The following ANKMY1 variants were observed in gnomAD, a reference collection of about 807,000 sequenced individuals.
ANKMY1 encodes ankyrin repeat and MYND domain containing 1.
ANKMY1 carries 98 observed loss-of-function variants against 102.0 expected under a neutral mutation model. The observed-to-expected ratio is 0.96, with a 90% CI of 0.82 to 1.14. The LOEUF (loss-of-function observed/expected upper bound fraction) is 1.14, where lower values mean the gene tolerates loss of function less well. ANKMY1 is among the 50% of genes most tolerant of loss of function. ANKMY1 has a pLI of 0.00. For missense variants in ANKMY1, 1,330 were observed against 1,347.6 expected, an observed-to-expected ratio of 0.99 and a Z score of 0.20; for synonymous variants, 582 against 559.9, an observed-to-expected ratio of 1.04 and a Z score of -0.56.
In ANKMY1 at chr2:240,509,376, G is replaced by C. The variant is rs1402164099; in HGVS notation, c.2366C>G (p.Ser789Cys). The C allele has an allele frequency of 1.7e-5, 27 of 1,613,644 alleles. No homozygotes were observed. Among genetic ancestry groups the C allele is most frequent in the Non-Finnish European group, 2.3e-5 (27 of 1,179,768 alleles). ...NLLWSGHSPL[S>C]LSIASGNELV... Reference sequence around the variant, plus strand: ...CTCATTCCCACTGGCAATGGACAGGGAGAGCGGGGAGTGGCCACTCCACAG... The same window carrying C: ...CTCATTCCCACTGGCAATGGACAGGCAGAGCGGGGAGTGGCCACTCCACAG... Residue 789 changes from serine (S) to cysteine (C), a missense_variant, in exon 12 of 18, where the codon TCC becomes TGC. By Grantham distance (112) the Ser-to-Cys change is moderately radical. Transcript: ENST00000401804.
At chr2:240,528,090 C>G (rs1221244943) in intron 5 of ANKMY1, among the ~76,000 whole-genome samples, 1 of 152,084 alleles carries the variant, frequency 6.6e-6, no homozygotes, top group African/African-American at 2.4e-5. Context: ...AGTTCAAGAC[C>G]AGCCTGGCCA....
At position 240,520,314 on chromosome 2, in the gene ANKMY1, C is replaced by CG. The variant is rs1559307886; in HGVS notation, c.2004+47dup. On this transcript the variant is annotated intron_variant, in intron 9 of 17. Coordinates refer to ENST00000401804, the MANE Select transcript of ANKMY1 (RefSeq NM_001282771.3). This position sits in a 1 kb window ranked among gnomAD's most constrained non-coding sequence, Gnocchi z 4.8. ...AGCGAGGAGCTTCCCGGCCAGTGCCCGGGAGTCTGCTGCGCTCGTCCCGGC... is the reference window on the plus strand; with the variant it reads ...AGCGAGGAGCTTCCCGGCCAGTGCCCGGGGAGTCTGCTGCGCTCGTCCCGGC... The CG allele has an allele frequency of 1.3e-6, 2 of 1,499,698 alleles. No homozygotes were observed. The highest frequency in any genetic ancestry group is 1.8e-6 in the Non-Finnish European group (2 of 1,118,466). 92.9% of individuals were successfully genotyped at this position (1,499,698 alleles called of 1,614,324 possible).
At chr2:240,471,249 G>A in the ANKMY1 span, among the ~76,000 whole-genome samples, 1 of 149,004 alleles carries the variant, frequency 6.7e-6, no homozygotes, top group African/African-American at 2.5e-5. Flanking sequence ...TCAGGGACAG[G>A]AACTCAAATT....
At chr2:240,495,698 G>A (rs778448062) in intron 15 of ANKMY1, among the ~76,000 whole-genome samples, 2 of 152,042 alleles carry the variant, frequency 1.3e-5, no homozygotes, top group African/African-American at 4.8e-5. Context: ...CTACGTCTTG[G>A]TGGTAGTTGT....
chr2:240,520,462 GGCACGCAGCACAGGTTGGGGTCC>G lies in ANKMY1; in HGVS notation c.1881_1903del (p.Asp628HisfsTer93). The G allele has an allele frequency of 4.3e-6, 7 of 1,613,470 alleles. No homozygotes were observed. The highest frequency in any genetic ancestry group is 5.9e-6 in the Non-Finnish European group (7 of 1,179,802). On this transcript the variant is annotated frameshift_variant, in exon 9 of 18. Coordinates refer to ENST00000401804, the MANE Select transcript of ANKMY1 (RefSeq NM_001282771.3). LOFTEE classifies it high-confidence loss of function. The surrounding 1 kb of genome is among the most constrained non-coding windows in gnomAD (Gnocchi z 4.8). ...CACAGCAAGGAACAGGACCTGCATG[GGCACGCAGCACAGGTTGGGGTCC>G]GCGCCCCGGCGCAGCAGCAGCTTGA...
At chr2:240,502,272 A>C (rs6760717) in intron 13 of ANKMY1, among the ~76,000 whole-genome samples, 1 of 150,618 alleles carries the variant, frequency 6.6e-6, no homozygotes, top group South Asian at 2.1e-4. Flanking sequence ...TGATGCAGCC[A>C]CCTACCCCAC....
upstream of ANKMY1, chr2:240,559,936 G>A (rs949922519): frequency 2.0e-5 from 3 of 152,340 alleles, no homozygotes; most frequent in African/African-American, 4.8e-5. Flanking sequence ...ATTACCAGAT[G>A]TCAGAAAAAT....
At chr2:240,526,549 C>A in intron 5 of ANKMY1, 104 bp from the exon 6 acceptor site, 2 of 1,531,752 alleles carry the variant, frequency 1.3e-6, no homozygotes, top group Non-Finnish European at 1.8e-6. Flanking sequence ...CCTCTTGTGG[C>A]TCAGCCCCCC....
chr2:240,557,456 AG>A, intron 1 of ANKMY1, 104 bp from the exon 2 acceptor site: 1 of 1,339,822 alleles, frequency 7.5e-7, no homozygotes, highest in Non-Finnish European at 9.8e-7. Context: ...AGAGAACCCA[AG>A]CCCCTCCCTG....
In ANKMY1 at chr2:240,509,582, C is replaced by G. The variant is rs972561623; in HGVS notation, c.2287-127G>C. Reference sequence around the variant, plus strand: ...AACGGCTACTTCCTGCCAACCATTACCTTGCCTGACACAAGGTGTTCAAAA... The same window carrying G: ...AACGGCTACTTCCTGCCAACCATTAGCTTGCCTGACACAAGGTGTTCAAAA... On this transcript the variant is annotated intron_variant, in intron 11 of 17. Coordinates refer to ENST00000401804, the MANE Select transcript of ANKMY1 (RefSeq NM_001282771.3). 12 of 668,852 alleles carry G rather than the reference C, an allele frequency of 1.8e-5. No individual in the cohort carries two copies. In the African/African-American group the frequency reaches 2.2e-4, roughly 12 times the overall value. The allele number at this position is 668,852 out of a possible 1,614,324, so 41.4% of individuals were successfully genotyped here. A position where few individuals can be genotyped will look rare whatever the true frequency, so the allele number is the denominator to read the frequency against.
chr2:240,489,989 G>A (rs1159056997), intron 15 of ANKMY1, among the ~76,000 whole-genome samples: 1 of 151,990 alleles, frequency 6.6e-6, no homozygotes, highest in African/African-American at 2.4e-5. Context: ...TTCAATCTTG[G>A]TAGACTCGAT....
chr2:240,557,413 C>T lies in ANKMY1; in HGVS notation c.-17-61G>A, dbSNP rs1231556039. On this transcript the variant is annotated intron_variant, in intron 1 of 17. Transcript: ENST00000401804. ...GGGCTCCCGCCGCGAACTCAGAGGG[C>T]GCCCGAGGCCCGGCCCGCGGCCCCT... is the stretch of plus-strand genomic sequence containing the variant. The T allele has an allele frequency of 6.4e-6, 9 of 1,402,544 alleles. No homozygotes were observed. The East Asian group carries it at 1.9e-4, about 30-fold the overall frequency. 86.9% of individuals were successfully genotyped at this position (1,402,544 alleles called of 1,614,324 possible). A position where few individuals can be genotyped will look rare whatever the true frequency, so the allele number is the denominator to read the frequency against.
At chr2:240,488,109 G>C (rs1022088389) in intron 15 of ANKMY1, among the ~76,000 whole-genome samples, 1 of 152,102 alleles carries the variant, frequency 6.6e-6, no homozygotes, top group Non-Finnish European at 1.5e-5. Context: ...CTCAAGTCTT[G>C]TGTTTAAGTC....
Position 240,507,623 on chromosome 2 carries a change from G to T in ANKMY1, c.2463C>A (p.Ala821=). The T allele has an allele frequency of 6.2e-7, 1 of 1,611,964 alleles. No homozygotes were observed. The highest frequency in any genetic ancestry group is 8.5e-7 in the Non-Finnish European group (1 of 1,178,978). Reference sequence around the variant, plus strand: ...AGGTCAGGTCACAGGCAACACACAGGGCACTGCCCAAGCCTTTGGTCAGGG... The same window carrying T: ...AGGTCAGGTCACAGGCAACACACAGTGCACTGCCCAAGCCTTTGGTCAGGG... ...NLPLTKGLGS[A]LCVACDLTYE... The change falls in exon 13 of 18, where the codon GCC becomes GCA. Residue 821 remains alanine, a synonymous_variant. Transcript: ENST00000401804.
At chr2:240,519,853 G>A (rs561600408) in intron 9 of ANKMY1, 14 of 248,538 alleles carry the variant, frequency 5.6e-5, no homozygotes, top group Non-Finnish European at 1.0e-4. Flanking sequence ...GGAAGAAGCC[G>A]TCCGCTGGGA....
chr2:240,531,525 CCAT>C (rs1340094329), intron 4 of ANKMY1, among the ~76,000 whole-genome samples: 3 of 152,260 alleles, frequency 2.0e-5, no homozygotes, highest in Non-Finnish European at 4.4e-5. Context: ...TGTGTTATAT[CCAT>C]GCAATGGAAT....
intron 15 of ANKMY1, among the ~76,000 whole-genome samples, chr2:240,496,338 T>C (rs2077248210): frequency 6.6e-6 from 1 of 150,938 alleles, no homozygotes; most frequent in African/African-American, 2.4e-5. Flanking sequence ...TCACCTCTGC[T>C]TCTGGTACTC....
chr2:240,505,008 C>T (rs1048619089), intron 13 of ANKMY1, among the ~76,000 whole-genome samples: 1 of 151,284 alleles, frequency 6.6e-6, no homozygotes, highest in African/African-American at 2.4e-5. Flanking sequence ...CACATACACA[C>T]AATAAAATAC....
intron 4 of ANKMY1, among the ~76,000 whole-genome samples, chr2:240,545,314 G>A (rs2090104202): frequency 6.6e-6 from 1 of 152,158 alleles, no homozygotes; most frequent in Admixed American, 6.5e-5. Context: ...CTGTTAGAAG[G>A]AAAACTAACA....
Sources: allele counts gnomAD v4.1 joint callset (sites outside exome capture counted in the v4.1 genomes callset), GRCh38; gene constraint gnomAD v4.1.1; non-coding constraint Gnocchi (gnomAD v3.1); transcripts MANE v1.5; gene names NCBI Gene and HGNC (gene_info 2026-07-23, HGNC 2026-07-21).